The following CAND1 variants were observed in gnomAD, a reference collection of about 807,000 sequenced individuals.
The protein encoded by CAND1 is cullin associated and neddylation dissociated 1, also known as cullin-associated NEDD8-dissociated protein 1.
In CAND1, 7 loss-of-function variants were observed where a neutral mutation model predicts 108.5. The observed-to-expected ratio is 0.06, with a 90% CI of 0.04 to 0.12. The LOEUF (loss-of-function observed/expected upper bound fraction) is 0.12, where lower values mean the gene tolerates loss of function less well. Among genes scored for constraint, CAND1 ranks in the 10% least tolerant of loss-of-function variants. CAND1 has a pLI of 1.00. For missense variants in CAND1, 941 were observed against 1,448.7 expected (o/e 0.65, Z 5.69); for synonymous variants, 534 against 512.0 (o/e 1.04, Z -0.58).
intron 1 of CAND1, among the ~76,000 whole-genome samples, chr12:67,277,188 A>G (rs2135990884): frequency 6.6e-6 from 1 of 152,336 alleles, no homozygotes; most frequent in African/African-American, 2.4e-5. Flanking sequence ...CAAACCAACT[A>G]GTTCTCATTA....
chr12:67,283,977 G>T (rs568363027), intron 2 of CAND1, among the ~76,000 whole-genome samples: 1 of 152,130 alleles, frequency 6.6e-6, no homozygotes, highest in Non-Finnish European at 1.5e-5. Flanking sequence ...CTAAGAGCTG[G>T]GTCTTGGAGG....
At position 67,318,786 on chromosome 12, in the gene CAND1, A is replaced by G. The variant is rs959451735; in HGVS notation, c.*5956A>G. 2.6e-5 allele frequency: 4 copies of G among 152,224 alleles called. No individual in the cohort carries two copies. The highest frequency in any genetic ancestry group is 7.2e-5 in the African/African-American group (3 of 41,454). The allele number at this position is 152,224 out of a possible 1,614,324, so 9.4% of individuals were successfully genotyped here. On this transcript the variant is annotated 3_prime_UTR_variant, in exon 15 of 15. Coordinates refer to ENST00000545606, the MANE Select transcript of CAND1 (RefSeq NM_018448.5). ...TGCTGATTATCATGGGAAGACTGAC[A>G]TAAGGAAGCACCATAAAATTCTGCT... is the stretch of plus-strand genomic sequence containing the variant.
At chr12:67,269,833 G>A in intron 1 of CAND1, 48 bp downstream of exon 1, 1 of 1,533,648 alleles carries the variant, frequency 6.5e-7, no homozygotes, top group Non-Finnish European at 8.9e-7. Context: ...TCTCGCAGCC[G>A]CGGCCCTGGC....
intron 3 of CAND1, among the ~76,000 whole-genome samples, chr12:67,293,857 GC>G (rs1366592546): frequency 2.0e-5 from 3 of 152,192 alleles, no homozygotes; most frequent in Non-Finnish European, 4.4e-5. Flanking sequence ...GCTAAAGGCT[GC>G]ATACGTAAAC....
At chr12:67,299,523 G>A (rs2136011627) in intron 7 of CAND1, among the ~76,000 whole-genome samples, 1 of 152,222 alleles carries the variant, frequency 6.6e-6, no homozygotes, top group East Asian at 1.9e-4. Flanking sequence ...ATAAACCAAG[G>A]TTTTAGAAAG....
At chr12:67,281,420 A>G (rs1264386038) in intron 1 of CAND1, among the ~76,000 whole-genome samples, 4 of 152,190 alleles carry the variant, frequency 2.6e-5, no homozygotes, top group Non-Finnish European at 4.4e-5. Context: ...ATCCCCTGCA[A>G]TGCAACGTAC....
At chr12:67,284,140 T>C (rs1286173987) in intron 2 of CAND1, among the ~76,000 whole-genome samples, 1 of 152,104 alleles carries the variant, frequency 6.6e-6, no homozygotes, top group Non-Finnish European at 1.5e-5. Flanking sequence ...ATTTCACACG[T>C]CTTTAAAACC....
At chr12:67,289,158 A>T (rs1260570794) in intron 2 of CAND1, among the ~76,000 whole-genome samples, 4 of 151,934 alleles carry the variant, frequency 2.6e-5, no homozygotes, top group African/African-American at 9.7e-5. Flanking sequence ...CAGTTTTATA[A>T]TTTCTGCCCT....
Position 67,318,781 on chromosome 12 carries a change from C to G in CAND1, c.*5951C>G, listed in dbSNP as rs1034109702. ...AAGCTTGCTGATTATCATGGGAAGA[C>G]TGACATAAGGAAGCACCATAAAATT... is the stretch of plus-strand genomic sequence containing the variant. On this transcript the variant is annotated 3_prime_UTR_variant, in exon 15 of 15. Coordinates refer to ENST00000545606, the MANE Select transcript of CAND1 (RefSeq NM_018448.5). 2 of 152,128 alleles carry G rather than the reference C, an allele frequency of 1.3e-5. No homozygotes were observed. The highest frequency in any genetic ancestry group is 2.9e-5 in the Non-Finnish European group (2 of 68,046). 9.4% of individuals were successfully genotyped at this position (152,128 alleles called of 1,614,324 possible).
At chr12:67,286,339 G>C (rs1423805623) in intron 2 of CAND1, among the ~76,000 whole-genome samples, 1 of 152,110 alleles carries the variant, frequency 6.6e-6, no homozygotes, top group Non-Finnish European at 1.5e-5. Flanking sequence ...ACCCAAGAGT[G>C]AAACTGCTCT....
Position 67,305,592 on chromosome 12 carries a change from A to T in CAND1, c.1924A>T (p.Ile642Leu). ...ACTGATTGCTGGGTCACCTTTGAAG[A>T]TAGATTTGAGGCCTGTTCTGGGAGA... ...LTLIAGSPLK[I>L]DLRPVLGEGV... is the part of the protein sequence containing the mutation. The change falls in exon 10 of 15, where the codon ATA (isoleucine) becomes TTA (leucine). Residue 642 changes from isoleucine (I) to leucine (L), a missense_variant. By Grantham distance (5) the Ile-to-Leu change is conservative. Coordinates refer to ENST00000545606, the MANE Select transcript of CAND1 (RefSeq NM_018448.5). The surrounding 1 kb of genome is among the most constrained non-coding windows in gnomAD (Gnocchi z 4.4). The T allele has an allele frequency of 6.2e-7, 1 of 1,614,162 alleles. No homozygotes were observed. The highest frequency in any genetic ancestry group is 1.1e-5 in the South Asian group (1 of 91,088).
chr12:67,309,441 A>G (rs2044925658), intron 11 of CAND1, among the ~76,000 whole-genome samples: 1 of 151,996 alleles, frequency 6.6e-6, no homozygotes, highest in Non-Finnish European at 1.5e-5. Flanking sequence ...TATATCTGCT[A>G]ATAGTACTCC....
chr12:67,273,062 G>A (rs946614071), intron 1 of CAND1, among the ~76,000 whole-genome samples: 7 of 152,094 alleles, frequency 4.6e-5, no homozygotes, highest in African/African-American at 1.7e-4. Context: ...AAAGGAGGAG[G>A]CATTTGTGTG....
In CAND1 at chr12:67,317,275, A is replaced by T. The variant is rs1001922582; in HGVS notation, c.*4445A>T. ...CTCAGCCTCCCGAGTAGCTGGGAGT[A>T]TAGGTGTGTGCCACCACGTCCAGCT... On this transcript the variant is annotated 3_prime_UTR_variant, in exon 15 of 15. Transcript: ENST00000545606. 1 of 152,226 alleles carries T rather than the reference A, an allele frequency of 6.6e-6. No individual in the cohort carries two copies. The highest frequency in any genetic ancestry group is 1.5e-5 in the Non-Finnish European group (1 of 68,214). The allele number at this position is 152,226 out of a possible 1,614,324, so 9.4% of individuals were successfully genotyped here. A position where few individuals can be genotyped will look rare whatever the true frequency, so the allele number is the denominator to read the frequency against.
Position 67,306,637 on chromosome 12 carries a change from G to T in CAND1, c.2929+40G>T, listed in dbSNP as rs1360661403. On this transcript the variant is annotated intron_variant, in intron 10 of 14. Transcript: ENST00000545606. ...TTTCTTACTTAAAAAGTTTTTTATT[G>T]ATAGTTGGTTGCCTTAAAAGACACC... 7 of 1,483,978 alleles carry T rather than the reference G, an allele frequency of 4.7e-6. No individual in the cohort carries two copies. In the African/African-American group the frequency reaches 9.9e-5, roughly 21 times the overall value. 91.9% of individuals were successfully genotyped at this position (1,483,978 alleles called of 1,614,324 possible).
At chr12:67,282,359 A>G (rs892763368) in intron 2 of CAND1, among the ~76,000 whole-genome samples, 3 of 127,874 alleles carry the variant, frequency 2.3e-5, no homozygotes, top group African/African-American at 1.3e-4. Flanking sequence ...TTAAAGGCCT[A>G]CTTTCCTCTA....
Position 67,269,711 on chromosome 12 carries a change from C to G in CAND1, c.-7C>G. 1 of 1,601,400 alleles carries G rather than the reference C, an allele frequency of 6.2e-7. No homozygotes were observed. Among genetic ancestry groups the G allele is most frequent in the South Asian group, 1.1e-5 (1 of 89,152 alleles). On this transcript the variant is annotated 5_prime_UTR_variant, in exon 1 of 15. Transcript: ENST00000545606. Reference sequence around the variant, plus strand: ...CAGCGCCAGCAGGCGGGATCGAGGCCGTCAACATGGCGAGCGCCTCGTACC... The same window carrying G: ...CAGCGCCAGCAGGCGGGATCGAGGCGGTCAACATGGCGAGCGCCTCGTACC...
intron 13 of CAND1, 138 bp from the exon 14 acceptor site, chr12:67,311,555 T>A: frequency 5.1e-6 from 1 of 196,692 alleles, no homozygotes; most frequent in Non-Finnish European, 9.2e-6. Flanking sequence ...TCTGTCTGAT[T>A]CTGATTGGCA....
intron 7 of CAND1, among the ~76,000 whole-genome samples, chr12:67,299,361 A>G (rs920140123): frequency 2.6e-5 from 4 of 152,118 alleles, no homozygotes; most frequent in Non-Finnish European, 4.4e-5. Flanking sequence ...ATTGCTCACC[A>G]TAGCCCAATT....
Sources: gnomAD v4.1 joint callset for allele counts (sites outside exome capture counted in the v4.1 genomes callset) on GRCh38, gnomAD v4.1.1 for gene constraint, Gnocchi (gnomAD v3.1) non-coding constraint, MANE v1.5 for transcripts, NCBI Gene and HGNC (gene_info 2026-07-23, HGNC 2026-07-21) for gene names.